The following STXBP4 variants were observed in gnomAD, a reference collection of about 807,000 sequenced individuals.
STXBP4 encodes syntaxin-binding protein 4.
Under a neutral mutation model 76.1 loss-of-function variants are expected in STXBP4, and 55 were observed. The observed-to-expected ratio is 0.72, with a 90% CI of 0.58 to 0.91. STXBP4 has a LOEUF of 0.91. Among genes scored for constraint, STXBP4 ranks in the 40% least tolerant of loss-of-function variants. STXBP4 has a pLI of 0.00. For synonymous variants in STXBP4, 201 were observed against 220.2 expected (o/e 0.91, Z 0.77); for missense variants, 618 against 636.9 (o/e 0.97, Z 0.32).
At position 55,073,633 on chromosome 17, in the gene STXBP4, T is replaced by C. The variant is rs537878807; in HGVS notation, c.1188+557T>C. 2.0e-5 allele frequency among the ~76,000 whole-genome samples: 3 copies of C among 152,206 alleles called. No individual in the cohort carries two copies. The South Asian group carries it at 6.2e-4, about 32-fold the overall frequency. On this transcript the variant is annotated intron_variant, in intron 13 of 17. Coordinates refer to ENST00000376352, the MANE Select transcript of STXBP4 (RefSeq NM_178509.6). ...TGCTTTTCAGAAGGCAGTGCGAACT[T>C]TTTGTTGTTGTTGACACAGAGTTTC...
chr17:55,189,743 CAG>C, the STXBP4 span, among the ~76,000 whole-genome samples: 1 of 152,200 alleles, frequency 6.6e-6, no homozygotes, highest in Non-Finnish European at 1.5e-5. Flanking sequence ...CTCTGAAAAA[CAG>C]ATGCTAGACG....
chr17:54,991,418 C>G (rs2077714980), intron 4 of STXBP4: 1 of 152,174 alleles, frequency 6.6e-6, no homozygotes, highest in Non-Finnish European at 1.5e-5. Flanking sequence ...AGTTTTATCA[C>G]TCATTAAAAC....
intron 16 of STXBP4, among the ~76,000 whole-genome samples, chr17:55,095,573 A>G (rs777577272): frequency 1.3e-5 from 2 of 152,154 alleles, no homozygotes; most frequent in Non-Finnish European, 2.9e-5. Context: ...TTCAATTCAG[A>G]TCCAGAAGTT....
chr17:55,095,251 C>T (rs2079469745), intron 16 of STXBP4, among the ~76,000 whole-genome samples: 1 of 152,152 alleles, frequency 6.6e-6, no homozygotes, highest in Non-Finnish European at 1.5e-5. Flanking sequence ...TCAATTATCA[C>T]TTTTTCAAAA....
intron 17 of STXBP4, among the ~76,000 whole-genome samples, chr17:55,155,741 G>A (rs1032764165): frequency 2.0e-5 from 3 of 152,026 alleles, no homozygotes; most frequent in East Asian, 1.9e-4. Flanking sequence ...TTGTTTAACA[G>A]GTTGTCCTAA....
intron 16 of STXBP4, among the ~76,000 whole-genome samples, chr17:55,081,994 C>T (rs1367208877): frequency 2.0e-5 from 3 of 152,176 alleles, no homozygotes; most frequent in Non-Finnish European, 4.4e-5. Context: ...TTTCTAACTA[C>T]TTCTTACGTA....
At chr17:55,091,000 G>A (rs191821937) in intron 16 of STXBP4, among the ~76,000 whole-genome samples, 127 of 152,150 alleles carry the variant, frequency 8.3e-4, no homozygotes, top group African/African-American at 3.0e-3. Flanking sequence ...ATTGAGATCA[G>A]CAATTGGAGC....
At chr17:55,110,332 A>G (rs1221355598) in intron 16 of STXBP4, among the ~76,000 whole-genome samples, 2 of 152,244 alleles carry the variant, frequency 1.3e-5, no homozygotes, top group African/African-American at 4.8e-5. Flanking sequence ...TAAAATAGTC[A>G]TAGTTTCCAT....
chr17:54,980,763 G>T (rs1402515931), intron 1 of STXBP4, among the ~76,000 whole-genome samples: 1 of 152,202 alleles, frequency 6.6e-6, no homozygotes, highest in Non-Finnish European at 1.5e-5. Context: ...TAGGCTCCCT[G>T]CCTCCAGACC....
At position 55,059,116 on chromosome 17, in the gene STXBP4, A is replaced by G. The variant is rs578187408; in HGVS notation, c.1011+11962A>G. Among the ~76,000 whole-genome samples the G allele has an allele frequency of 7.0e-4, 106 of 152,150 alleles. 1 individual carries two copies. Among genetic ancestry groups the G allele is most frequent in the Middle Eastern group, 6.8e-3 (2 of 294 alleles). On this transcript the variant is annotated intron_variant, in intron 12 of 17. Coordinates refer to ENST00000376352, the MANE Select transcript of STXBP4 (RefSeq NM_178509.6). ...TTAATTTAAATTTAATTTTGTCCAT[A>G]CTTATTTTATGGACAAATTTTTACT...
intron 16 of STXBP4, among the ~76,000 whole-genome samples, chr17:55,126,734 C>T (rs2079917067): frequency 6.6e-6 from 1 of 152,196 alleles, no homozygotes; most frequent in Admixed American, 6.5e-5. Flanking sequence ...TCTCTGAAAT[C>T]ATTCCAAAGT....
At chr17:55,067,393 G>A (rs1567746307) in intron 12 of STXBP4, among the ~76,000 whole-genome samples, 1 of 152,116 alleles carries the variant, frequency 6.6e-6, no homozygotes, top group East Asian at 1.9e-4. Flanking sequence ...TGAAGGACAA[G>A]TAACAACTAA....
chr17:55,162,820 T>C lies in STXBP4; in HGVS notation c.*2909T>C, dbSNP rs758654108. 109 of 152,270 alleles carry C rather than the reference T, an allele frequency of 7.2e-4. No homozygotes were observed. The highest frequency in any genetic ancestry group is 1.3e-3 in the Non-Finnish European group (90 of 68,054). The allele number at this position is 152,270 out of a possible 1,614,324, so 9.4% of individuals were successfully genotyped here. On this transcript the variant is annotated 3_prime_UTR_variant, in exon 18 of 18. Transcript: ENST00000376352. ...GACATGTTATGTTGTGGTCATCTTT[T>C]CATGTCAATACATAGATTAATCTTT...
chr17:55,144,542 C>T (rs903299131), intron 17 of STXBP4, among the ~76,000 whole-genome samples: 2 of 152,194 alleles, frequency 1.3e-5, no homozygotes, highest in African/African-American at 4.8e-5. Context: ...TCTTGCTTCT[C>T]TCAGTGTCCC....
intron 17 of STXBP4, among the ~76,000 whole-genome samples, chr17:55,150,842 A>T (rs2080208182): frequency 6.6e-6 from 1 of 152,164 alleles, no homozygotes; most frequent in South Asian, 2.1e-4. Flanking sequence ...TCACATGGTA[A>T]AGGAGCATTA....
At position 55,084,452 on chromosome 17, in the gene STXBP4, G is replaced by T. The variant is rs184402313; in HGVS notation, c.1489+3269G>T. Among the ~76,000 whole-genome samples, 607 of 152,156 alleles carry T rather than the reference G, an allele frequency of 4.0e-3. 3 individuals are homozygous for T. The highest frequency in any genetic ancestry group is 0.014 in the African/African-American group (592 of 41,504). ...AGGTTGCCTGTTCTTTCTGATGGTA[G>T]TTTCTTTTGCTGTGCAGAAGCTCTT... is the stretch of plus-strand genomic sequence containing the variant. On this transcript the variant is annotated intron_variant, in intron 16 of 17. Transcript: ENST00000376352.
chr17:54,970,194 A>G (rs2077372386), intron 1 of STXBP4, among the ~76,000 whole-genome samples: 1 of 152,214 alleles, frequency 6.6e-6, no homozygotes, highest in Non-Finnish European at 1.5e-5. Context: ...GCCTGGTAAT[A>G]CCAGCCTTTT....
rs570721945 is a variant in STXBP4 at position 55,057,569 on chromosome 17, G to C, written c.1011+10415G>C. 2.9e-4 allele frequency among the ~76,000 whole-genome samples: 44 copies of C among 152,152 alleles called. 1 individual carries two copies. Among genetic ancestry groups the C allele is most frequent in the Middle Eastern group, 6.8e-3 (2 of 294 alleles). ...TGTTTCTAATTTTACTTTGAGTTCTGGGATACATGTGCAGAACGTGCAGGT... is the reference window on the plus strand; with the variant it reads ...TGTTTCTAATTTTACTTTGAGTTCTCGGATACATGTGCAGAACGTGCAGGT... On this transcript the variant is annotated intron_variant, in intron 12 of 17. Coordinates refer to ENST00000376352, the MANE Select transcript of STXBP4 (RefSeq NM_178509.6).
At chr17:54,995,005 AC>A (rs2077777451) in intron 4 of STXBP4, among the ~76,000 whole-genome samples, 1 of 151,666 alleles carries the variant, frequency 6.6e-6, no homozygotes, top group Non-Finnish European at 1.5e-5. Context: ...TGTGTCACCT[AC>A]CTCAGTTTGC....
Sources: allele counts gnomAD v4.1 joint callset (sites outside exome capture counted in the v4.1 genomes callset), GRCh38; gene constraint gnomAD v4.1.1; transcripts MANE v1.5; gene names NCBI Gene and HGNC (gene_info 2026-07-23, HGNC 2026-07-21).